Variants in DGKI observed in about 807,000 individuals in gnomAD.
The protein encoded by DGKI is diacylglycerol kinase iota.
A neutral mutation model predicts 147.5 loss-of-function variants in DGKI; 55 were observed. That is an observed-to-expected ratio of 0.37 (90% CI 0.30 to 0.47). The LOEUF (loss-of-function observed/expected upper bound fraction) is 0.47, where lower values mean the gene tolerates loss of function less well. Ranked by LOEUF, DGKI falls within the 20% of genes least tolerant of loss-of-function variation. The pLI is 1.00. For missense variants in DGKI, 1,007 were observed against 1,323.8 expected, an observed-to-expected ratio of 0.76 and a Z score of 3.71; for synonymous variants, 469 against 477.1, an observed-to-expected ratio of 0.98 and a Z score of 0.22.
At chr7:137,597,299 G>C (rs902513392) in intron 12 of DGKI, among the ~76,000 whole-genome samples, 14 of 152,046 alleles carry the variant, frequency 9.2e-5, no homozygotes, top group Non-Finnish European at 1.8e-4. Flanking sequence ...TCCAAACCTT[G>C]ACTTGATCAT....
At chr7:137,459,541 C>G (rs1220580471) in intron 27 of DGKI, among the ~76,000 whole-genome samples, 1 of 133,016 alleles carries the variant, frequency 7.5e-6, no homozygotes, top group Non-Finnish European at 1.5e-5. Context: ...GTGGCACGGT[C>G]TTGGCTCACT....
intron 3 of DGKI, among the ~76,000 whole-genome samples, chr7:137,658,570 A>G (rs982822788): frequency 6.6e-6 from 1 of 152,148 alleles, no homozygotes; most frequent in African/African-American, 2.4e-5. Context: ...CCTTGCCAAT[A>G]ACTCCTGTCC....
intron 19 of DGKI, among the ~76,000 whole-genome samples, chr7:137,569,924 T>C (rs1476760097): frequency 2.6e-5 from 4 of 152,044 alleles, no homozygotes; most frequent in African/African-American, 9.7e-5. Context: ...CAATCTTTTC[T>C]ACCATGACAA....
intron 1 of DGKI, among the ~76,000 whole-genome samples, chr7:137,806,989 C>T (rs1287609904): frequency 6.6e-6 from 1 of 152,166 alleles, no homozygotes; most frequent in African/African-American, 2.4e-5. Flanking sequence ...TATGAGCCCT[C>T]GAAATAAGGA....
At chr7:137,398,192 A>C (rs1811622458) in intron 30 of DGKI, among the ~76,000 whole-genome samples, 1 of 152,104 alleles carries the variant, frequency 6.6e-6, no homozygotes, top group Non-Finnish European at 1.5e-5. Context: ...TTATGTACTG[A>C]CCCTATTTCC....
chr7:137,720,179 G>A (rs1255314379), intron 1 of DGKI, among the ~76,000 whole-genome samples: 1 of 149,688 alleles, frequency 6.7e-6, no homozygotes, highest in Non-Finnish European at 1.5e-5. Context: ...TACTTCATGA[G>A]CAACTAATAT....
intron 1 of DGKI, among the ~76,000 whole-genome samples, chr7:137,767,496 A>G (rs1186572783): frequency 1.4e-5 from 2 of 147,274 alleles, no homozygotes; most frequent in African/African-American, 2.6e-5. Context: ...AGAAGAGAAG[A>G]GAAGAGAAGA....
intron 17 of DGKI, among the ~76,000 whole-genome samples, chr7:137,576,450 C>T (rs1818980133): frequency 6.6e-6 from 1 of 152,042 alleles, no homozygotes; most frequent in Non-Finnish European, 1.5e-5. Context: ...TTCTCTTTCT[C>T]ATTCTGTCAT....
chr7:137,534,019 T>C (rs1817433247), intron 20 of DGKI, among the ~76,000 whole-genome samples: 1 of 152,120 alleles, frequency 6.6e-6, no homozygotes, highest in South Asian at 2.1e-4. Flanking sequence ...TTCATGGAAG[T>C]GTTTCAGGGT....
intron 28 of DGKI, among the ~76,000 whole-genome samples, chr7:137,430,926 C>T (rs941595243): frequency 2.0e-5 from 3 of 152,006 alleles, no homozygotes; most frequent in Non-Finnish European, 4.4e-5. Context: ...AAAGACTCTC[C>T]CTCCTCTCCC....
intron 21 of DGKI, 75 bp downstream of exon 21, chr7:137,521,791 C>T: frequency 9.8e-7 from 1 of 1,024,898 alleles, no homozygotes; most frequent in Middle Eastern, 2.0e-4. Context: ...AATGAATCTA[C>T]CCATCAAACC....
intron 1 of DGKI, among the ~76,000 whole-genome samples, chr7:137,773,933 C>T (rs757224031): frequency 1.3e-5 from 2 of 152,160 alleles, no homozygotes; most frequent in South Asian, 2.1e-4. Context: ...TAAATCCATG[C>T]TCCTTCTATC....
intron 2 of DGKI, among the ~76,000 whole-genome samples, chr7:137,681,107 G>T (rs1230384231): frequency 6.6e-6 from 1 of 152,202 alleles, no homozygotes; most frequent in East Asian, 1.9e-4. Flanking sequence ...GGAGACCCTG[G>T]TGGTAGGAGT....
At chr7:137,424,939 T>C (rs1023000704) in intron 28 of DGKI, among the ~76,000 whole-genome samples, 25 of 152,232 alleles carry the variant, frequency 1.6e-4, no homozygotes, top group Non-Finnish European at 2.8e-4. Flanking sequence ...CCTGCCTCTG[T>C]AGGCTCCACC....
In DGKI at chr7:137,434,708, A is replaced by T. The variant is rs775989965; in HGVS notation, c.2761+9369T>A. ...TTCCAGAAAAACCAGAACAATCAAA[A>T]GGATTACATGGTTACAATCAATAGT... On this transcript the variant is annotated intron_variant, in intron 28 of 32. Transcript: ENST00000614521. Among the ~76,000 whole-genome samples the T allele has an allele frequency of 7.9e-5, 12 of 152,196 alleles. No individual in the cohort carries two copies. The South Asian group carries it at 1.2e-3, about 16-fold the overall frequency.
chr7:137,524,149 G>C (rs1483738298), intron 20 of DGKI, among the ~76,000 whole-genome samples: 2 of 146,276 alleles, frequency 1.4e-5, no homozygotes, highest in South Asian at 2.1e-4. Flanking sequence ...ACTGGGCAGA[G>C]AGTACAAATG....
chr7:137,449,565 G>A (rs191249799), intron 27 of DGKI, among the ~76,000 whole-genome samples: 2 of 152,204 alleles, frequency 1.3e-5, no homozygotes, highest in East Asian at 1.9e-4. Context: ...CCACGACATC[G>A]GTCTGGGCAA....
At chr7:137,593,598 T>A (rs1819690250) in intron 12 of DGKI, among the ~76,000 whole-genome samples, 1 of 152,200 alleles carries the variant, frequency 6.6e-6, no homozygotes, top group African/African-American at 2.4e-5. Flanking sequence ...ATTGGCCACA[T>A]GTGGTGATCC....
chr7:137,557,445 T>C (rs1472658778), intron 19 of DGKI, among the ~76,000 whole-genome samples: 2 of 152,148 alleles, frequency 1.3e-5, no homozygotes, highest in Non-Finnish European at 2.9e-5. Flanking sequence ...TACGGTGATG[T>C]GGCATTATAA....
Sources: allele counts gnomAD v4.1 joint callset (sites outside exome capture counted in the v4.1 genomes callset), GRCh38; gene constraint gnomAD v4.1.1; transcripts MANE v1.5; gene names NCBI Gene and HGNC (gene_info 2026-07-23, HGNC 2026-07-21).